The following INSRR variants were observed in gnomAD, a reference collection of about 807,000 sequenced individuals.
The protein encoded by INSRR is insulin receptor-related protein.
Under a neutral mutation model 130.0 loss-of-function variants are expected in INSRR, and 114 were observed. The ratio of observed to expected loss-of-function variants is 0.88; its 90% CI spans 0.75 to 1.02. The LOEUF (loss-of-function observed/expected upper bound fraction) is 1.02, where lower values mean the gene tolerates loss of function less well. INSRR is among the 50% of genes least tolerant of loss of function. INSRR has a pLI of 0.00. For synonymous variants in INSRR, 674 were observed against 705.2 expected (o/e 0.96, Z 0.70); for missense variants, 1,657 against 1,735.2 (o/e 0.95, Z 0.80).
At chr1:156,858,426 C>A in intron 1 of INSRR, 111 bp downstream of exon 1, 1 of 808,008 alleles carries the variant, frequency 1.2e-6, no homozygotes, top group South Asian at 1.4e-5. Context: ...CCCCAACCCC[C>A]ATGTTCCAGT....
chr1:156,845,916 C>A lies in INSRR; in HGVS notation c.1978+36G>T. 2.5e-6 allele frequency: 4 copies of A among 1,602,448 alleles called. No homozygotes were observed. In the South Asian group the frequency reaches 3.3e-5, roughly 13 times the overall value. ...GCGCCTCCATCTCCCCTTCCCCACC[C>A]GCCCCGCGGCCGGCCTGCGCGTCGT... is the stretch of plus-strand genomic sequence containing the variant. On this transcript the variant is annotated intron_variant, in intron 9 of 21. Transcript: ENST00000368195.
chr1:156,844,987 G>A (rs1167500885), intron 12 of INSRR, 89 bp downstream of exon 12: 2 of 1,532,116 alleles, frequency 1.3e-6, no homozygotes, highest in Non-Finnish European at 1.8e-6. Flanking sequence ...GCGAGGCTCT[G>A]GGGTTAGCGA....
At chr1:156,850,632 G>C (rs540619091) in intron 5 of INSRR, among the ~76,000 whole-genome samples, 13 of 127,352 alleles carry the variant, frequency 1.0e-4, no homozygotes, top group Non-Finnish European at 1.7e-4. Flanking sequence ...TCGGCTCACT[G>C]TAATCTCTAC....
Position 156,846,619 on chromosome 1 carries a change from C to G in INSRR, c.1710G>C (p.Gln570His), listed in dbSNP as rs1272918212. Residue 570 changes from glutamine to histidine, a missense_variant, in exon 8 of 22, where the codon CAG becomes CAC. Transcript: ENST00000368195. ...VTLASLKPWTQYAVFVRAITL... is the reference protein window; with the variant it reads ...VTLASLKPWTHYAVFVRAITL... ...TGATGGCCCGCACAAACACTGCGTA[C>G]TGTGTCCAAGGCTTGAGGGAGGCTA... 3.1e-6 allele frequency: 5 copies of G among 1,614,206 alleles called. No individual in the cohort carries two copies. The highest frequency in any genetic ancestry group is 4.2e-6 in the Non-Finnish European group (5 of 1,180,034).
chr1:156,848,238 T>C (rs754628530), intron 7 of INSRR, among the ~76,000 whole-genome samples: 61 of 151,998 alleles, frequency 4.0e-4, no homozygotes, highest in Non-Finnish European at 8.1e-4. Context: ...GTCAGCTAAG[T>C]CCTCTCCATT....
rs1367479652 is a variant in INSRR, at chr1:156,844,778, G to A, written c.2503C>T (p.Arg835Cys). The change falls in exon 13 of 22, where the codon CGC (arginine) becomes TGC (cysteine). Residue 835 changes from arginine (R) to cysteine (C), a missense_variant. Transcript: ENST00000368195. ...EASSKNSVLLRWLEPPDPNGL... is the reference protein window; with the variant it reads ...EASSKNSVLLCWLEPPDPNGL... Reference sequence around the variant, plus strand: ...TTGGGGTCTGGTGGCTCGAGCCAGCGCAGAAGGACACTGTTCTTGCTGGAG... The same window carrying A: ...TTGGGGTCTGGTGGCTCGAGCCAGCACAGAAGGACACTGTTCTTGCTGGAG... 1.9e-6 allele frequency: 3 copies of A among 1,614,160 alleles called. No homozygotes were observed. Among genetic ancestry groups the A allele is most frequent in the Admixed American group, 1.7e-5 (1 of 60,028 alleles).
chr1:156,858,525 C>A lies in INSRR; in HGVS notation c.85+12G>T. 6.2e-7 allele frequency: 1 copy of A among 1,611,616 alleles called. No homozygotes were observed. Among genetic ancestry groups the A allele is most frequent in the South Asian group, 1.1e-5 (1 of 91,042 alleles). On this transcript the variant is annotated intron_variant, in intron 1 of 21. Transcript: ENST00000368195. ...GGAGGTAGGGGTCTGGGAGCCAGTTCTGGGGACTCACCCTCTACTGTATCC... is the reference window on the plus strand; with the variant it reads ...GGAGGTAGGGGTCTGGGAGCCAGTTATGGGGACTCACCCTCTACTGTATCC...
intron 5 of INSRR, 53 bp from the exon 6 acceptor site, chr1:156,849,513 G>GGGGGGGGGC: frequency 2.1e-6 from 1 of 486,120 alleles, no homozygotes; most frequent in Non-Finnish European, 4.1e-6. Context: ...CAGGGGGTGG[G>GGGGGGGGGC]AAAGGGGATG....
chr1:156,843,416 C>G lies in INSRR; in HGVS notation c.2896+11G>C. Reference sequence around the variant, plus strand: ...TTCCCACACCACCTGTCCACCCACTCCCAGACCTACTATCAGAGGCGCTGA... The same window carrying G: ...TTCCCACACCACCTGTCCACCCACTGCCAGACCTACTATCAGAGGCGCTGA... On this transcript the variant is annotated intron_variant, in intron 16 of 21. Transcript: ENST00000368195. 8 of 1,613,970 alleles carry G rather than the reference C, an allele frequency of 5.0e-6. No individual in the cohort carries two copies. Among genetic ancestry groups the G allele is most frequent in the Non-Finnish European group, 6.8e-6 (8 of 1,179,802 alleles).
Position 156,845,356 on chromosome 1 carries a change from C to T in INSRR, c.2216+16G>A. ...CCAAAGCCACGCCCCTCAGCACCTGCCCTAGTCCTGCTCACCTTTGGGGGC... is the reference window on the plus strand; with the variant it reads ...CCAAAGCCACGCCCCTCAGCACCTGTCCTAGTCCTGCTCACCTTTGGGGGC... On this transcript the variant is annotated intron_variant, in intron 11 of 21. Transcript: ENST00000368195. The T allele has an allele frequency of 6.3e-7, 1 of 1,598,094 alleles. No homozygotes were observed.
intron 1 of INSRR, among the ~76,000 whole-genome samples, chr1:156,856,284 A>T (rs1035407080): frequency 6.6e-6 from 1 of 152,194 alleles, no homozygotes; most frequent in Non-Finnish European, 1.5e-5. Flanking sequence ...TTGGCACTCA[A>T]TAAATATTTG....
Position 156,843,141 on chromosome 1 carries a change from G to T in INSRR, c.2989C>A (p.Leu997Met). ...TCTCCAGCCTCAAGTCCTCGTGCCA[G>T]CCCCTCATATACCATCCCAAAAGAG... ...QGSFGMVYEG[L>M]ARGLEAGEES... Residue 997 changes from leucine (L) to methionine (M), a missense_variant, in exon 17 of 22, where the codon CTG becomes ATG. Coordinates refer to ENST00000368195, the MANE Select transcript of INSRR (RefSeq NM_014215.3). The T allele has an allele frequency of 6.2e-7, 1 of 1,614,084 alleles. No homozygotes were observed.
At chr1:156,844,658 C>T (rs374636875) in intron 13 of INSRR, 34 bp from the exon 14 acceptor site, 142 of 1,613,642 alleles carry the variant, frequency 8.8e-5, no homozygotes, top group Middle Eastern at 1.6e-4. Flanking sequence ...GCTGGGAAGG[C>T]GATGTAGGCA....
rs554938935 is a variant in INSRR, at chr1:156,853,983, G to A, written c.406C>T (p.Arg136Cys). The A allele has an allele frequency of 3.1e-5, 50 of 1,613,278 alleles. No individual in the cohort carries two copies. The highest frequency in any genetic ancestry group is 3.5e-5 in the Non-Finnish European group (41 of 1,179,544). ...VALPALGAVL[R>C]GAVRVEKNQE... ...TTCTTCTCCACACGCACAGCCCCAC[G>A]CAGCACGGCCCCAAGTGCAGGCAGT... Residue 136 changes from arginine (R) to cysteine (C), a missense_variant, in exon 2 of 22, where the codon CGT becomes TGT. Transcript: ENST00000368195.
intron 7 of INSRR, 89 bp downstream of exon 7, chr1:156,848,832 G>A (rs1470612783): frequency 5.3e-5 from 77 of 1,461,396 alleles, no homozygotes; most frequent in Non-Finnish European, 6.8e-5. Flanking sequence ...TCATAGCCTC[G>A]CTGAGCTCCG....
chr1:156,848,855 T>A (rs11590051), intron 7 of INSRR, 66 bp downstream of exon 7: 9 of 1,520,128 alleles, frequency 5.9e-6, no homozygotes, highest in Non-Finnish European at 8.0e-6. Flanking sequence ...CTCACCTGCC[T>A]GTGGTCCCGA....
chr1:156,853,706 C>T, intron 2 of INSRR, 46 bp downstream of exon 2: 1 of 1,548,546 alleles, frequency 6.5e-7, no homozygotes, highest in Non-Finnish European at 8.8e-7. Context: ...CCCATGTGAC[C>T]CTGCTCTCTC....
intron 13 of INSRR, 26 bp downstream of exon 13, chr1:156,844,681 G>T: frequency 6.2e-7 from 1 of 1,614,084 alleles, no homozygotes; most frequent in Non-Finnish European, 8.5e-7. Flanking sequence ...AAACGGGGCT[G>T]GGACGGGGGT....
rs755019469 is a variant in INSRR, at chr1:156,841,496, G to T, written c.3560C>A (p.Thr1187Asn). The T allele has an allele frequency of 3.7e-6, 6 of 1,614,008 alleles. No individual in the cohort carries two copies. The highest frequency in any genetic ancestry group is 1.7e-5 in the Admixed American group (1 of 60,012). Reference protein sequence around the residue: ...SFGVVLWEIVTLAEQPYQGLS... With the variant: ...SFGVVLWEIVNLAEQPYQGLS... Reference sequence around the variant, plus strand: ...GCCCTGGTAGGGTTGTTCTGCCAGGGTCACAATCTCCCAGAGTACCACGCC... The same window carrying T: ...GCCCTGGTAGGGTTGTTCTGCCAGGTTCACAATCTCCCAGAGTACCACGCC... Residue 1187 changes from threonine (T) to asparagine (N), a missense_variant, in exon 21 of 22, where the codon ACC becomes AAC. Coordinates refer to ENST00000368195, the MANE Select transcript of INSRR (RefSeq NM_014215.3).
Sources: allele counts gnomAD v4.1 joint callset (sites outside exome capture counted in the v4.1 genomes callset), GRCh38; gene constraint gnomAD v4.1.1; transcripts MANE v1.5; gene names NCBI Gene and HGNC (gene_info 2026-07-23, HGNC 2026-07-21).